Variants in EEF1AKMT2 observed in about 807,000 individuals in gnomAD.
EEF1AKMT2 encodes the protein EEF1A lysine methyltransferase 2, also known as eukaryotic translation elongation factor 1 alpha lysine methyltransferase 2.
In EEF1AKMT2, 32 loss-of-function variants were observed where a neutral mutation model predicts 35.8. The ratio of observed to expected loss-of-function variants is 0.89; its 90% CI spans 0.67 to 1.20. The LOEUF is 1.20. EEF1AKMT2 is among the 50% of genes most tolerant of loss of function. EEF1AKMT2 has a pLI of 0.00. For missense variants in EEF1AKMT2, 330 were observed against 347.5 expected (o/e 0.95, Z 0.40); for synonymous variants, 121 against 133.7 (o/e 0.91, Z 0.65).
chr10:124,774,553 T>C, intron 4 of EEF1AKMT2, 122 bp downstream of exon 4: 1 of 502,396 alleles, frequency 2.0e-6, no homozygotes, highest in Non-Finnish European at 3.0e-6. Context: ...TATTTAAAAA[T>C]GTTTCAATTT....
intron 3 of EEF1AKMT2, among the ~76,000 whole-genome samples, chr10:124,776,859 G>A (rs775661640): frequency 7.0e-6 from 1 of 143,490 alleles, no homozygotes; most frequent in Non-Finnish European, 1.5e-5. Context: ...TCAAGGGTGG[G>A]CTTGATAGCA....
chr10:124,765,274 A>T, intron 5 of EEF1AKMT2, 118 bp downstream of exon 5: 2 of 778,470 alleles, frequency 2.6e-6, no homozygotes, highest in South Asian at 1.7e-5. Flanking sequence ...CAGAGAAAAA[A>T]GCAGGCAATT....
intron 4 of EEF1AKMT2, among the ~76,000 whole-genome samples, chr10:124,770,421 C>CA (rs535613211): frequency 1.3e-3 from 202 of 152,096 alleles, no homozygotes; most frequent in African/African-American, 4.6e-3. Context: ...CCATCCCCCA[C>CA]AAAAAATACT....
Position 124,759,937 on chromosome 10 carries a change from C to T in EEF1AKMT2, c.*566G>A, listed in dbSNP as rs114614765. The T allele has an allele frequency of 4.2e-3, 641 of 153,418 alleles. 13 individuals carry two copies. The highest frequency in any genetic ancestry group is 0.014 in the African/African-American group (597 of 41,546). The allele number at this position is 153,418 out of a possible 1,614,324, so 9.5% of individuals were successfully genotyped here. On this transcript the variant is annotated 3_prime_UTR_variant, in exon 7 of 7. Transcript: ENST00000368836. ...GGTATTAATTAAGTTTAAAAATAACCGCCATCCAACACAAAATAGTATTTC... is the reference window on the plus strand; with the variant it reads ...GGTATTAATTAAGTTTAAAAATAACTGCCATCCAACACAAAATAGTATTTC...
chr10:124,761,129 A>G (rs1021057605), intron 6 of EEF1AKMT2, among the ~76,000 whole-genome samples: 27 of 152,298 alleles, frequency 1.8e-4, no homozygotes, highest in African/African-American at 6.5e-4. Flanking sequence ...CAGCCTCCCA[A>G]AGTGCTAGGA....
chr10:124,761,511 TA>T (rs1347374799), intron 6 of EEF1AKMT2, among the ~76,000 whole-genome samples: 1 of 152,152 alleles, frequency 6.6e-6, no homozygotes, highest in Non-Finnish European at 1.5e-5. Context: ...AAGGAACTAG[TA>T]ACTTTCAAAG....
Position 124,790,253 on chromosome 10 carries a change from T to C in EEF1AKMT2, c.176+20A>G. The C allele has an allele frequency of 3.8e-6, 6 of 1,567,288 alleles. No homozygotes were observed. The highest frequency in any genetic ancestry group is 4.4e-6 in the Non-Finnish European group (5 of 1,137,426). On this transcript the variant is annotated intron_variant, in intron 2 of 6. Coordinates refer to ENST00000368836, the MANE Select transcript of EEF1AKMT2 (RefSeq NM_212554.4). ...ACATATAATCTTCTAGATTATAACT[T>C]GATTCTTTTCCTAACTCACCAGATT...
chr10:124,762,722 C>T (rs188372427), intron 5 of EEF1AKMT2, among the ~76,000 whole-genome samples, 164 bp from the exon 6 acceptor site: 8 of 152,228 alleles, frequency 5.3e-5, no homozygotes, highest in Admixed American at 3.3e-4. Flanking sequence ...AAAAGCTTAT[C>T]GTAAGAAAAC....
At chr10:124,789,952 C>T (rs1950619845) in intron 2 of EEF1AKMT2, among the ~76,000 whole-genome samples, 1 of 150,420 alleles carries the variant, frequency 6.6e-6, no homozygotes, top group African/African-American at 2.4e-5. Context: ...AGTGCAGTGG[C>T]GCGATCTCAG....
chr10:124,758,319 T>A lies in EEF1AKMT2; in HGVS notation c.*2184A>T, dbSNP rs1950302668. ...GTATTTATGGTTTGTTTCAGGAACC[T>A]GGTGACACTTGCTGGCCTGGTTTTT... is the stretch of plus-strand genomic sequence containing the variant. On this transcript the variant is annotated 3_prime_UTR_variant, in exon 7 of 7. Coordinates refer to ENST00000368836, the MANE Select transcript of EEF1AKMT2 (RefSeq NM_212554.4). 6.6e-6 allele frequency: 1 copy of A among 152,192 alleles called. No homozygotes were observed. Among genetic ancestry groups the A allele is most frequent in the Non-Finnish European group, 1.5e-5 (1 of 68,036 alleles). 9.4% of individuals were successfully genotyped at this position (152,192 alleles called of 1,614,324 possible).
At chr10:124,781,199 C>T (rs1401990490) in intron 3 of EEF1AKMT2, among the ~76,000 whole-genome samples, 7 of 151,932 alleles carry the variant, frequency 4.6e-5, no homozygotes, top group Admixed American at 4.6e-4. Flanking sequence ...CCGCCTCGGC[C>T]TCCCAAAATG....
chr10:124,785,049 C>T (rs1950572936), intron 3 of EEF1AKMT2, among the ~76,000 whole-genome samples: 1 of 151,608 alleles, frequency 6.6e-6, no homozygotes, highest in Non-Finnish European at 1.5e-5. Flanking sequence ...GCATTTTAGA[C>T]CATCCTGGCC....
chr10:124,791,588 G>T, intron 1 of EEF1AKMT2, 136 bp downstream of exon 1: 3 of 1,275,924 alleles, frequency 2.4e-6, no homozygotes, highest in Non-Finnish European at 3.2e-6. Flanking sequence ...TAAGCCCCCC[G>T]CCAGGTGGCC....
chr10:124,791,113 G>A (rs1405474898), intron 1 of EEF1AKMT2, among the ~76,000 whole-genome samples: 1 of 151,954 alleles, frequency 6.6e-6, no homozygotes, highest in Admixed American at 6.6e-5. Context: ...TGATTCTCTA[G>A]AATCCCTGCT....
intron 3 of EEF1AKMT2, among the ~76,000 whole-genome samples, chr10:124,786,916 T>C (rs989260000): frequency 6.6e-6 from 1 of 151,800 alleles, no homozygotes; most frequent in African/African-American, 2.4e-5. Flanking sequence ...AAAGAACCTA[T>C]ACAGGTAAAG....
In EEF1AKMT2 at chr10:124,774,788, G is replaced by C. The variant is rs1348304671; in HGVS notation, c.292-6C>G. On this transcript the variant is annotated splice_region_variant and splice_polypyrimidine_tract_variant and intron_variant, in intron 3 of 6. Transcript: ENST00000368836. ...TTAGAGAAACCAAATTTTGCCTAGA[G>C]AGAAATAATTTTATACTTTAGTATA... The C allele has an allele frequency of 2.2e-6, 3 of 1,347,822 alleles. No individual in the cohort carries two copies. Among genetic ancestry groups the C allele is most frequent in the Non-Finnish European group, 3.0e-6 (3 of 1,012,798 alleles). 83.5% of individuals were successfully genotyped at this position (1,347,822 alleles called of 1,614,324 possible). A position where few individuals can be genotyped will look rare whatever the true frequency, so the allele number is the denominator to read the frequency against.
chr10:124,786,567 C>T (rs1297260660), intron 3 of EEF1AKMT2, among the ~76,000 whole-genome samples: 3 of 150,544 alleles, frequency 2.0e-5, no homozygotes, highest in Non-Finnish European at 4.4e-5. Context: ...ACCAGCACTC[C>T]GGGAGGCTGA....
At position 124,758,655 on chromosome 10, in the gene EEF1AKMT2, TTG is replaced by T. The variant is rs1564897970; in HGVS notation, c.*1846_*1847del. 2 of 152,114 alleles carry T rather than the reference TTG, an allele frequency of 1.3e-5. No homozygotes were observed. Among genetic ancestry groups the T allele is most frequent in the African/African-American group, 2.4e-5 (1 of 41,430 alleles). The allele number at this position is 152,114 out of a possible 1,614,324, so 9.4% of individuals were successfully genotyped here. ...AGTCTAGTCACACAGAAAGCCTAGTTTGTAGGATTAGCACATTAAAATAGCAT... is the reference window on the plus strand; with the variant it reads ...AGTCTAGTCACACAGAAAGCCTAGTTTAGGATTAGCACATTAAAATAGCAT... On this transcript the variant is annotated 3_prime_UTR_variant, in exon 7 of 7. Coordinates refer to ENST00000368836, the MANE Select transcript of EEF1AKMT2 (RefSeq NM_212554.4).
intron 1 of EEF1AKMT2, 76 bp from the exon 2 acceptor site, chr10:124,790,414 A>G (rs1229392191): frequency 2.9e-6 from 3 of 1,028,526 alleles, no homozygotes; most frequent in Non-Finnish European, 4.6e-6. Flanking sequence ...TTTCTAATAC[A>G]TTACAGAGCT....
Sources: gnomAD v4.1 joint callset for allele counts (sites outside exome capture counted in the v4.1 genomes callset) on GRCh38, gnomAD v4.1.1 for gene constraint, MANE v1.5 for transcripts, NCBI Gene and HGNC (gene_info 2026-07-23, HGNC 2026-07-21) for gene names.